The following YAP1 variants were observed in gnomAD, a reference collection of about 807,000 sequenced individuals.
The protein encoded by YAP1 is Yes1 associated transcriptional regulator, also known as transcriptional coactivator YAP1.
In YAP1, 5 loss-of-function variants were observed where a neutral mutation model predicts 56.9. That is an observed-to-expected ratio of 0.09 (90% CI 0.05 to 0.18). The LOEUF is 0.18. Among genes scored for constraint, YAP1 ranks in the 10% least tolerant of loss-of-function variants. The pLI, the probability that YAP1 is intolerant of heterozygous loss-of-function variation, is 1.00. For synonymous variants in YAP1, 265 were observed against 248.1 expected (o/e 1.07, Z -0.64); for missense variants, 539 against 651.8 (o/e 0.83, Z 1.88).
intron 2 of YAP1, among the ~76,000 whole-genome samples, chr11:102,145,098 T>A (rs756157933): frequency 6.6e-6 from 1 of 152,230 alleles, no homozygotes; most frequent in African/African-American, 2.4e-5. Context: ...CTTGAATTAT[T>A]CTGCAGGAGT....
intron 4 of YAP1, among the ~76,000 whole-genome samples, chr11:102,199,709 ATGAAGCAT>A (rs2135567172): frequency 6.6e-6 from 1 of 152,330 alleles, no homozygotes; most frequent in African/African-American, 2.4e-5. Context: ...ATAAAACCAC[ATGAAGCAT>A]TGAGGGTAGT....
At chr11:102,162,395 A>G (rs1946344511) in intron 2 of YAP1, 61 bp from the exon 3 acceptor site, 1 of 1,436,646 alleles carries the variant, frequency 7.0e-7, no homozygotes, top group Non-Finnish European at 9.8e-7. Flanking sequence ...AGCCCACAAG[A>G]TAAGAATTGT....
At chr11:102,160,832 CTG>C (rs1331590932) in intron 2 of YAP1, among the ~76,000 whole-genome samples, 3 of 152,154 alleles carry the variant, frequency 2.0e-5, no homozygotes, top group African/African-American at 7.2e-5. Context: ...TGAAGGATGA[CTG>C]TGCCCCATCA....
intron 7 of YAP1, among the ~76,000 whole-genome samples, chr11:102,226,506 C>G (rs148811084): frequency 1.9e-3 from 295 of 152,322 alleles, no homozygotes; most frequent in African/African-American, 6.9e-3. Context: ...CACACTCACA[C>G]AGACCATTGA....
At chr11:102,161,211 G>T (rs564433587) in intron 2 of YAP1, among the ~76,000 whole-genome samples, 1 of 151,414 alleles carries the variant, frequency 6.6e-6, no homozygotes, top group African/African-American at 2.4e-5. Context: ...ACAGGCGCCC[G>T]CCACCACGCC....
At chr11:102,123,749 C>G (rs541716686) in intron 2 of YAP1, among the ~76,000 whole-genome samples, 39 of 149,716 alleles carry the variant, frequency 2.6e-4, no homozygotes, top group Non-Finnish European at 5.5e-4. Context: ...ATGCCATTCT[C>G]TGGCCTCAGC....
chr11:102,228,118 C>G (rs1950282674), intron 8 of YAP1, among the ~76,000 whole-genome samples: 1 of 151,700 alleles, frequency 6.6e-6, no homozygotes, highest in African/African-American at 2.4e-5. Flanking sequence ...GATAACATGA[C>G]TTATGTTAGC....
chr11:102,203,455 C>CT (rs1452457403), intron 4 of YAP1, among the ~76,000 whole-genome samples: 5 of 152,012 alleles, frequency 3.3e-5, no homozygotes, highest in African/African-American at 9.7e-5. Context: ...TTATATTTTT[C>CT]TTTTTTTAAA....
intron 4 of YAP1, among the ~76,000 whole-genome samples, chr11:102,201,455 AAGAC>A (rs1948855051): frequency 6.6e-6 from 1 of 152,222 alleles, no homozygotes; most frequent in Non-Finnish European, 1.5e-5. Flanking sequence ...CTGAAATTCA[AAGAC>A]AGAATGTCAT....
At chr11:102,223,325 G>C (rs1950042786) in intron 6 of YAP1, among the ~76,000 whole-genome samples, 2 of 151,392 alleles carry the variant, frequency 1.3e-5, no homozygotes, top group South Asian at 4.2e-4. Context: ...ACCCAAAGGA[G>C]GATTTGGGAG....
chr11:102,210,380 G>A (rs547368828), intron 6 of YAP1, among the ~76,000 whole-genome samples: 16 of 152,280 alleles, frequency 1.1e-4, no homozygotes, highest in African/African-American at 3.9e-4. Flanking sequence ...CATTGTTTTA[G>A]AATCTGCTGT....
intron 6 of YAP1, among the ~76,000 whole-genome samples, chr11:102,212,830 C>T (rs1591437433): frequency 6.6e-6 from 1 of 152,296 alleles, no homozygotes; most frequent in Non-Finnish European, 1.5e-5. Flanking sequence ...ATCTGCCCAC[C>T]TCGTCCTCCC....
At chr11:102,138,232 AACTG>A (rs1313007390) in intron 2 of YAP1, among the ~76,000 whole-genome samples, 4 of 152,238 alleles carry the variant, frequency 2.6e-5, no homozygotes, top group Non-Finnish European at 4.4e-5. Context: ...TTGCTGCATT[AACTG>A]ACTATGGAAA....
intron 2 of YAP1, among the ~76,000 whole-genome samples, chr11:102,137,548 CTT>C (rs938115617): frequency 6.6e-6 from 1 of 152,184 alleles, no homozygotes; most frequent in African/African-American, 2.4e-5. Context: ...TTTTCATAAA[CTT>C]TTGAGAAAAA....
chr11:102,150,524 G>T (rs11607135), intron 2 of YAP1, among the ~76,000 whole-genome samples: 76,571 of 151,934 alleles, frequency 0.5, 21,127 homozygotes, highest in South Asian at 0.67. Context: ...TATAATGTAT[G>T]TGATTATCTA....
At chr11:102,131,019 T>C (rs1944342214) in intron 2 of YAP1, among the ~76,000 whole-genome samples, 2 of 152,174 alleles carry the variant, frequency 1.3e-5, no homozygotes, top group Non-Finnish European at 2.9e-5. Context: ...TCTTTGTACC[T>C]GTCTGTCTTC....
chr11:102,127,680 G>C (rs535013278), intron 2 of YAP1, among the ~76,000 whole-genome samples: 1 of 152,328 alleles, frequency 6.6e-6, no homozygotes, highest in Non-Finnish European at 1.5e-5. Context: ...GGAGCTGTGA[G>C]AAGAGAGCCA....
At chr11:102,167,324 G>A (rs191556727) in intron 3 of YAP1, among the ~76,000 whole-genome samples, 138 of 152,154 alleles carry the variant, frequency 9.1e-4, no homozygotes, top group Non-Finnish European at 1.3e-3. Context: ...AAGAGGAAAT[G>A]GAATAATGTA....
intron 2 of YAP1, among the ~76,000 whole-genome samples, chr11:102,115,151 TCTC>T (rs1356524017): frequency 6.6e-6 from 1 of 152,186 alleles, no homozygotes; most frequent in African/African-American, 2.4e-5. Flanking sequence ...TAGAATTTTC[TCTC>T]CTCTGATTTT....
Sources: allele counts gnomAD v4.1 joint callset (sites outside exome capture counted in the v4.1 genomes callset), GRCh38; gene constraint gnomAD v4.1.1; transcripts MANE v1.5; gene names NCBI Gene and HGNC (gene_info 2026-07-23, HGNC 2026-07-21).